Variants in MERTK observed in about 807,000 individuals in gnomAD.
MERTK encodes the protein MER proto-oncogene, tyrosine kinase.
In MERTK, 69 loss-of-function variants were observed where a neutral mutation model predicts 99.3. The observed-to-expected ratio is 0.70, with a 90% CI of 0.57 to 0.85. MERTK has a LOEUF of 0.85. MERTK is among the 40% of genes least tolerant of loss of function. The probability of loss-of-function intolerance (pLI) is 0.00; values close to 1 mark genes in which losing one functional copy is unlikely to be tolerated. For synonymous variants in MERTK, 426 were observed against 467.6 expected (o/e 0.91, Z 1.15); for missense variants, 1,125 against 1,249.4 (o/e 0.90, Z 1.50).
intron 6 of MERTK, among the ~76,000 whole-genome samples, chr2:111,968,483 G>C (rs1159323259): frequency 6.6e-6 from 1 of 151,894 alleles, no homozygotes; most frequent in East Asian, 1.9e-4. Context: ...AGCAAAACGT[G>C]TTTCCAAGGG....
chr2:111,961,394 C>T (rs1298410384), intron 4 of MERTK, among the ~76,000 whole-genome samples: 3 of 151,682 alleles, frequency 2.0e-5, no homozygotes, highest in Non-Finnish European at 4.4e-5. Context: ...ATCTCCTGAC[C>T]TCCGCCCGCC....
chr2:111,958,730 G>T (rs925972613), intron 4 of MERTK, among the ~76,000 whole-genome samples: 2 of 152,140 alleles, frequency 1.3e-5, no homozygotes, highest in Non-Finnish European at 2.9e-5. Flanking sequence ...CTGAAGTCAT[G>T]TTCTGTGATA....
intron 16 of MERTK, chr2:112,020,798 C>A: frequency 2.4e-6 from 1 of 408,812 alleles, no homozygotes; most frequent in South Asian, 1.8e-5. Flanking sequence ...GCTCTTTCTG[C>A]TCCTGCTATG....
intron 6 of MERTK, among the ~76,000 whole-genome samples, chr2:111,972,890 G>A (rs1332184336): frequency 2.0e-5 from 3 of 152,222 alleles, no homozygotes; most frequent in African/African-American, 7.2e-5. Context: ...GTCATTAACA[G>A]TGTATTCCCA....
intron 15 of MERTK, among the ~76,000 whole-genome samples, chr2:112,012,079 C>T (rs1188354110): frequency 2.0e-5 from 3 of 152,174 alleles, no homozygotes; most frequent in African/African-American, 7.2e-5. Flanking sequence ...TGCAGAACCT[C>T]ATGGTGGCAG....
intron 6 of MERTK, 48 bp downstream of exon 6, chr2:111,968,300 G>A (rs1187364220): frequency 6.8e-7 from 1 of 1,479,954 alleles, no homozygotes. Context: ...TGCTCTCTGT[G>A]GGTTTAAGGA....
intron 8 of MERTK, among the ~76,000 whole-genome samples, chr2:111,983,265 G>A (rs1489487931): frequency 6.6e-6 from 1 of 152,132 alleles, no homozygotes; most frequent in East Asian, 1.9e-4. Context: ...TTCATCCTCT[G>A]TTATCACCTG....
In MERTK at chr2:112,022,291, A is replaced by G. The variant is rs770960540; in HGVS notation, c.2383A>G (p.Thr795Ala). 1.2e-6 allele frequency: 2 copies of G among 1,614,228 alleles called. No individual in the cohort carries two copies. The highest frequency in any genetic ancestry group is 2.2e-5 in the East Asian group (1 of 44,888). The change falls in exon 18 of 19, where the codon ACG becomes GCG. Residue 795 changes from threonine to alanine, a missense_variant. Physicochemically the swap from Thr to Ala is moderately conservative, Grantham distance 58. Coordinates refer to ENST00000295408, the MANE Select transcript of MERTK (RefSeq NM_006343.3). The stretch of plus-strand genomic sequence containing the variant: ...TGGCGTGACCATGTGGGAAATAGCT[A>G]CGCGGGGAATGACTCCCTATCCTGG... ...AFGVTMWEIATRGMTPYPGVQ... is the reference protein window; with the variant it reads ...AFGVTMWEIAARGMTPYPGVQ...
At chr2:111,903,714 C>T (rs1050792058) in intron 1 of MERTK, among the ~76,000 whole-genome samples, 1 of 152,146 alleles carries the variant, frequency 6.6e-6, no homozygotes, top group African/African-American at 2.4e-5. Context: ...AAGTGTTAAC[C>T]GGGACTGGCT....
chr2:111,915,095 A>G (rs1015270431), intron 1 of MERTK, among the ~76,000 whole-genome samples: 1 of 152,158 alleles, frequency 6.6e-6, no homozygotes, highest in Non-Finnish European at 1.5e-5. Flanking sequence ...CAAATTATCT[A>G]TTTCATGTGG....
At chr2:111,900,202 A>T (rs1319243889) in intron 1 of MERTK, among the ~76,000 whole-genome samples, 1 of 152,094 alleles carries the variant, frequency 6.6e-6, no homozygotes, top group Non-Finnish European at 1.5e-5. Flanking sequence ...TTCCTTTGAG[A>T]TTTTCCTTTG....
intron 8 of MERTK, among the ~76,000 whole-genome samples, chr2:111,988,378 G>A (rs74824553): frequency 0.044 from 6,728 of 152,230 alleles, 509 homozygotes; most frequent in African/African-American, 0.15. Context: ...GCCTGGAGGA[G>A]AAACTTAACA....
chr2:111,944,535 C>CCTTAAAATAAT (rs1684928551), intron 2 of MERTK, among the ~76,000 whole-genome samples: 1 of 8,008 alleles, frequency 1.2e-4, no homozygotes. Context: ...AAGGAATTAG[C>CCTTAAAATAAT]TCACACACAG....
At chr2:111,957,944 A>G (rs1167413566) in intron 4 of MERTK, among the ~76,000 whole-genome samples, 1 of 152,220 alleles carries the variant, frequency 6.6e-6, no homozygotes, top group African/African-American at 2.4e-5. Flanking sequence ...TCCCTCAGCA[A>G]TTCGGATTGT....
chr2:111,925,895 C>G lies in MERTK; in HGVS notation c.62-3225C>G, dbSNP rs572946776. On this transcript the variant is annotated intron_variant, in intron 1 of 18. Transcript: ENST00000295408. ...TCCCCCAGGCTAGAGTACAGTGGCG[C>G]GATCTCGGCTCACTGCAAGCTCCGC... Among the ~76,000 whole-genome samples the G allele has an allele frequency of 9.5e-4, 143 of 151,022 alleles. 1 individual carries two copies. The highest frequency in any genetic ancestry group is 3.2e-3 in the African/African-American group (130 of 41,074).
chr2:111,899,283 G>A (rs1268831270), intron 1 of MERTK, among the ~76,000 whole-genome samples: 2 of 152,184 alleles, frequency 1.3e-5, no homozygotes, highest in Admixed American at 1.3e-4. Flanking sequence ...TGCGGGAGTC[G>A]GAGCCGCAGT....
intron 9 of MERTK, among the ~76,000 whole-genome samples, chr2:111,995,303 G>A (rs6739294): frequency 0.62 from 94,049 of 152,064 alleles, 29,466 homozygotes; most frequent in Middle Eastern, 0.69. Context: ...AGTGAACCAA[G>A]TGCTGTGCTC....
intron 14 of MERTK, chr2:112,008,904 G>C (rs994148295): frequency 1.5e-5 from 4 of 270,222 alleles, no homozygotes; most frequent in African/African-American, 8.9e-5. Flanking sequence ...TGAAAGTACT[G>C]ATTTCTTAAG....
At chr2:112,017,394 G>A (rs1180287991) in intron 15 of MERTK, among the ~76,000 whole-genome samples, 3 of 152,122 alleles carry the variant, frequency 2.0e-5, no homozygotes, top group African/African-American at 7.2e-5. Flanking sequence ...ACTCAACCCA[G>A]AAAGTCCAGC....
Sources: allele counts gnomAD v4.1 joint callset (sites outside exome capture counted in the v4.1 genomes callset), GRCh38; gene constraint gnomAD v4.1.1; transcripts MANE v1.5; gene names NCBI Gene and HGNC (gene_info 2026-07-23, HGNC 2026-07-21).